CD9: variants seen among roughly 807,000 people sequenced by gnomAD.
The protein encoded by CD9 is CD9 antigen.
CD9 carries 10 observed loss-of-function variants against 31.4 expected under a neutral mutation model. That is an observed-to-expected ratio of 0.32 (90% CI 0.20 to 0.54). The LOEUF (loss-of-function observed/expected upper bound fraction) is 0.54, where lower values mean the gene tolerates loss of function less well. Among genes scored for constraint, CD9 ranks in the 20% least tolerant of loss-of-function variants. CD9 has a pLI of 0.94. For missense variants in CD9, 259 were observed against 300.1 expected (o/e 0.86, Z 1.01); for synonymous variants, 113 against 114.1 (o/e 0.99, Z 0.06).
chr12:6,235,593 C>G, intron 6 of CD9, 28 bp downstream of exon 6: 1 of 1,590,486 alleles, frequency 6.3e-7, no homozygotes, highest in Non-Finnish European at 8.6e-7. Context: ...TCCTGGTGTC[C>G]CTGCCCCCAT....
chr12:6,220,569 G>T (rs1946283188), intron 1 of CD9, among the ~76,000 whole-genome samples: 1 of 152,176 alleles, frequency 6.6e-6, no homozygotes, highest in African/African-American at 2.4e-5. Context: ...GGATTTTTAG[G>T]TTAGGGAGAC....
intron 1 of CD9, among the ~76,000 whole-genome samples, chr12:6,204,874 C>T (rs1946113573): frequency 6.6e-6 from 1 of 152,252 alleles, no homozygotes; most frequent in South Asian, 2.1e-4. Flanking sequence ...ACTGGCCTCC[C>T]TGCCCCTTCC....
chr12:6,232,408 C>T lies in CD9; in HGVS notation c.176-224C>T. 1.7e-6 allele frequency: 1 copy of T among 600,360 alleles called. No homozygotes were observed. Among genetic ancestry groups the T allele is most frequent in the Non-Finnish European group, 3.0e-6 (1 of 336,550 alleles). 37.2% of individuals were successfully genotyped at this position (600,360 alleles called of 1,614,324 possible). A position where few individuals can be genotyped will look rare whatever the true frequency, so the allele number is the denominator to read the frequency against. ...GCTGAGGGTAAGGTAGGAGCGTGAG[C>T]TTGATGAAGCAGAGTCATGCAAGAG... is the stretch of plus-strand genomic sequence containing the variant. On this transcript the variant is annotated intron_variant, in intron 2 of 7. Transcript: ENST00000009180. The surrounding 1 kb of genome is among the most constrained non-coding windows in gnomAD (Gnocchi z 4.8).
At chr12:6,226,036 C>T (rs1027007432) in intron 2 of CD9, among the ~76,000 whole-genome samples, 1 of 152,168 alleles carries the variant, frequency 6.6e-6, no homozygotes, top group African/African-American at 2.4e-5. Context: ...CTAGAATGGA[C>T]TCTGCCCAGT....
At chr12:6,202,238 T>C (rs1445151327) in intron 1 of CD9, among the ~76,000 whole-genome samples, 43 of 152,256 alleles carry the variant, frequency 2.8e-4, no homozygotes, top group Admixed American at 2.8e-3. Flanking sequence ...GGACGGCATA[T>C]AGGTGTGCTC....
At chr12:6,228,558 C>CAAAAA (rs5796224) in intron 2 of CD9, among the ~76,000 whole-genome samples, 7 of 68,334 alleles carry the variant, frequency 1.0e-4, no homozygotes, top group Non-Finnish European at 1.7e-4. Context: ...GACTCCATCT[C>CAAAAA]AAAAAAAAAA....
chr12:6,207,191 G>A (rs905693799), intron 1 of CD9, among the ~76,000 whole-genome samples: 6 of 152,138 alleles, frequency 3.9e-5, no homozygotes, highest in Non-Finnish European at 4.4e-5. Context: ...CTGAGCTCAC[G>A]CTATAAATGC....
intron 1 of CD9, among the ~76,000 whole-genome samples, chr12:6,222,908 T>C (rs1946310561): frequency 6.6e-6 from 1 of 152,206 alleles, no homozygotes; most frequent in Non-Finnish European, 1.5e-5. Context: ...TTTCTGCGAC[T>C]CAGTTTTCCC....
intron 1 of CD9, among the ~76,000 whole-genome samples, chr12:6,201,882 T>A (rs1008415518): frequency 6.6e-6 from 1 of 151,810 alleles, no homozygotes; most frequent in Non-Finnish European, 1.5e-5. Context: ...CACAAAAAAA[T>A]AAAAAATTAG....
intron 2 of CD9, among the ~76,000 whole-genome samples, chr12:6,229,308 G>C (rs1166464372): frequency 6.6e-6 from 1 of 152,180 alleles, no homozygotes; most frequent in African/African-American, 2.4e-5. Context: ...CAGGACACGC[G>C]ACACTTGGCC....
chr12:6,232,331 C>T lies in CD9; in HGVS notation c.176-301C>T. The T allele has an allele frequency of 2.1e-6, 1 of 472,464 alleles. No homozygotes were observed. The highest frequency in any genetic ancestry group is 2.2e-5 in the South Asian group (1 of 45,678). The allele number at this position is 472,464 out of a possible 1,614,324, so 29.3% of individuals were successfully genotyped here. A position where few individuals can be genotyped will look rare whatever the true frequency, so the allele number is the denominator to read the frequency against. ...GTTTGCATTCCGAATGTAGGGATTC[C>T]CGTGGATATTCTCTGTCCTGGATTG... On this transcript the variant is annotated intron_variant, in intron 2 of 7. Transcript: ENST00000009180. This position sits in a 1 kb window ranked among gnomAD's most constrained non-coding sequence, Gnocchi z 4.8.
At chr12:6,223,015 A>G (rs1946311577) in intron 1 of CD9, among the ~76,000 whole-genome samples, 1 of 152,224 alleles carries the variant, frequency 6.6e-6, no homozygotes, top group Non-Finnish European at 1.5e-5. Flanking sequence ...AGCAAAAAGG[A>G]CAGTAATGAG....
At chr12:6,210,314 G>A (rs777239825) in intron 1 of CD9, among the ~76,000 whole-genome samples, 7 of 152,226 alleles carry the variant, frequency 4.6e-5, no homozygotes, top group Non-Finnish European at 8.8e-5. Context: ...TGCAGCCAAG[G>A]GGAAAGGAGG....
chr12:6,209,679 C>CTTTTTTTTTTTT (rs71064199), intron 1 of CD9, among the ~76,000 whole-genome samples: 2 of 132,614 alleles, frequency 1.5e-5, no homozygotes. Context: ...CTGCAAATTT[C>CTTTTTTTTTTTT]TTTTTTTTTT....
At chr12:6,226,395 A>G (rs866081735) in intron 2 of CD9, 1 of 151,030 alleles carries the variant, frequency 6.6e-6, no homozygotes, top group African/African-American at 2.4e-5. Flanking sequence ...AACAAAGGAA[A>G]CCTCCTATTT....
At chr12:6,223,428 A>T (rs1156874195) in intron 1 of CD9, among the ~76,000 whole-genome samples, 1 of 152,008 alleles carries the variant, frequency 6.6e-6, no homozygotes, top group Non-Finnish European at 1.5e-5. Context: ...CGCCTGGAGA[A>T]TTTTTTGTAT....
intron 6 of CD9, chr12:6,235,937 A>T: frequency 7.1e-7 from 1 of 1,399,358 alleles, no homozygotes; most frequent in South Asian, 1.6e-5. Context: ...CCATGTCAGA[A>T]ATAGACCCCC....
intron 1 of CD9, among the ~76,000 whole-genome samples, chr12:6,220,212 G>C (rs895940738): frequency 1.2e-4 from 18 of 152,318 alleles, no homozygotes; most frequent in African/African-American, 4.3e-4. Flanking sequence ...GAAGCAGCAG[G>C]CTTGGCTTAG....
At chr12:6,233,242 T>C in intron 3 of CD9, 170 bp from the exon 4 acceptor site, 1 of 642,672 alleles carries the variant, frequency 1.6e-6, no homozygotes, top group East Asian at 2.7e-5. Flanking sequence ...CTGGGCTTGG[T>C]TAACTGCCTG....
Sources: allele counts gnomAD v4.1 joint callset (sites outside exome capture counted in the v4.1 genomes callset), GRCh38; gene constraint gnomAD v4.1.1; non-coding constraint Gnocchi (gnomAD v3.1); transcripts MANE v1.5; gene names NCBI Gene and HGNC (gene_info 2026-07-23, HGNC 2026-07-21).